Variants in XPR1 observed in about 807,000 individuals in gnomAD.
XPR1 encodes the protein solute carrier family 53 member 1.
In XPR1, 28 loss-of-function variants were observed where a neutral mutation model predicts 87.5. The ratio of observed to expected loss-of-function variants is 0.32; its 90% CI spans 0.24 to 0.44. The LOEUF (loss-of-function observed/expected upper bound fraction) is 0.44. Ranked by LOEUF, XPR1 falls within the 20% of genes least tolerant of loss-of-function variation. XPR1 has a pLI of 1.00. For missense variants in XPR1, 559 were observed against 862.3 expected (o/e 0.65, Z 4.41); for synonymous variants, 300 against 306.1 (o/e 0.98, Z 0.21).
chr1:180,864,214 C>T (rs1439109392), intron 12 of XPR1, among the ~76,000 whole-genome samples: 2 of 152,132 alleles, frequency 1.3e-5, no homozygotes, highest in Admixed American at 6.5e-5. Flanking sequence ...ATGGAATGCC[C>T]TCAGTCTGAA....
rs1347418903 is a variant in XPR1, at chr1:180,886,943, G to A, written c.*2877G>A. On this transcript the variant is annotated 3_prime_UTR_variant, in exon 15 of 15. Transcript: ENST00000367590. Reference sequence around the variant, plus strand: ...AATCCCAGCACTTTGGGAGGCCAAGGTGGGCAGATCACGAGCTCAGGAGTT... The same window carrying A: ...AATCCCAGCACTTTGGGAGGCCAAGATGGGCAGATCACGAGCTCAGGAGTT... 1 of 152,340 alleles carries A rather than the reference G, an allele frequency of 6.6e-6. No individual in the cohort carries two copies. The highest frequency in any genetic ancestry group is 1.5e-5 in the Non-Finnish European group (1 of 68,136). The allele number at this position is 152,340 out of a possible 1,614,324, so 9.4% of individuals were successfully genotyped here.
At chr1:180,668,073 A>G (rs545278101) in intron 1 of XPR1, among the ~76,000 whole-genome samples, 2 of 127,862 alleles carry the variant, frequency 1.6e-5, no homozygotes, top group African/African-American at 3.0e-5. Context: ...TTGTTTTTCT[A>G]TTCTCTATTT....
At chr1:180,856,568 A>T (rs1652041083) in intron 11 of XPR1, among the ~76,000 whole-genome samples, 1 of 151,928 alleles carries the variant, frequency 6.6e-6, no homozygotes, top group South Asian at 2.1e-4. Context: ...AAATAAACTC[A>T]TTTTTTTTCC....
At chr1:180,780,782 A>AC (rs1288533870) in intron 2 of XPR1, among the ~76,000 whole-genome samples, 1 of 151,432 alleles carries the variant, frequency 6.6e-6, no homozygotes, top group Non-Finnish European at 1.5e-5. Flanking sequence ...AAAAAAAAAA[A>AC]GAGATGCAAG....
At chr1:180,847,034 A>G (rs1247313413) in intron 11 of XPR1, among the ~76,000 whole-genome samples, 3 of 152,164 alleles carry the variant, frequency 2.0e-5, no homozygotes, top group African/African-American at 7.2e-5. Flanking sequence ...TTTCTTTTAA[A>G]GGTAGAATTG....
intron 3 of XPR1, among the ~76,000 whole-genome samples, chr1:180,795,651 G>A (rs889383681): frequency 6.6e-6 from 1 of 152,126 alleles, no homozygotes; most frequent in Non-Finnish European, 1.5e-5. Context: ...GAAGCATCAT[G>A]AAAGTATTAC....
intron 2 of XPR1, among the ~76,000 whole-genome samples, chr1:180,727,168 G>A (rs753384947): frequency 1.3e-4 from 20 of 151,974 alleles, no homozygotes; most frequent in Non-Finnish European, 2.5e-4. Flanking sequence ...TGGCTTGGCC[G>A]TATGCTTTAA....
rs1290696824 is a variant in XPR1 at position 180,885,437 on chromosome 1, T to C, written c.*1371T>C. 5 of 152,308 alleles carry C rather than the reference T, an allele frequency of 3.3e-5. No individual in the cohort carries two copies. The highest frequency in any genetic ancestry group is 1.9e-4 in the East Asian group (1 of 5,204). The allele number at this position is 152,308 out of a possible 1,614,324, so 9.4% of individuals were successfully genotyped here. On this transcript the variant is annotated 3_prime_UTR_variant, in exon 15 of 15. Coordinates refer to ENST00000367590, the MANE Select transcript of XPR1 (RefSeq NM_004736.4). Reference sequence around the variant, plus strand: ...ACTGCTTAGAAATTATAGACTATTATGATCTGTCCACAGTGCCCATTGTCA... The same window carrying C: ...ACTGCTTAGAAATTATAGACTATTACGATCTGTCCACAGTGCCCATTGTCA...
intron 2 of XPR1, among the ~76,000 whole-genome samples, chr1:180,750,794 A>G (rs569506263): frequency 2.0e-5 from 3 of 152,162 alleles, no homozygotes; most frequent in Admixed American, 6.5e-5. Flanking sequence ...TGGGATTTTG[A>G]TTGTAATTGC....
chr1:180,830,525 G>C (rs953959893), intron 9 of XPR1, among the ~76,000 whole-genome samples: 17 of 152,084 alleles, frequency 1.1e-4, no homozygotes, highest in African/African-American at 4.1e-4. Context: ...AGAAACAGAA[G>C]ACAGATCCAG....
At chr1:180,821,927 G>T (rs539225402) in intron 7 of XPR1, among the ~76,000 whole-genome samples, 1 of 152,130 alleles carries the variant, frequency 6.6e-6, no homozygotes, top group Non-Finnish European at 1.5e-5. Flanking sequence ...TAGTTTTATT[G>T]TGGATTCTTT....
intron 1 of XPR1, among the ~76,000 whole-genome samples, chr1:180,669,555 T>A (rs1173282256): frequency 6.6e-6 from 1 of 152,018 alleles, no homozygotes; most frequent in African/African-American, 2.4e-5. Context: ...TAGAGACGGG[T>A]TTCACCATGT....
Position 180,806,561 on chromosome 1 carries a change from A to G in XPR1, c.681+4A>G, listed in dbSNP as rs771808586. On this transcript the variant is annotated splice_donor_region_variant and intron_variant, in intron 6 of 14. Coordinates refer to ENST00000367590, the MANE Select transcript of XPR1 (RefSeq NM_004736.4). The stretch of plus-strand genomic sequence containing the variant: ...CCCCCCTTTGGGAGCTGCTCAGGTT[A>G]GTATTTGGTTCCAGTAGTTTGTTTG... The G allele has an allele frequency of 2.5e-6, 4 of 1,608,346 alleles. No individual in the cohort carries two copies. Among genetic ancestry groups the G allele is most frequent in the Non-Finnish European group, 3.4e-6 (4 of 1,176,170 alleles).
At chr1:180,826,274 G>A (rs1270745368) in intron 9 of XPR1, among the ~76,000 whole-genome samples, 1 of 152,052 alleles carries the variant, frequency 6.6e-6, no homozygotes, top group African/African-American at 2.4e-5. Context: ...TTTGAGGCCA[G>A]GTACAGTCGC....
At chr1:180,688,136 C>T (rs1196303385) in intron 2 of XPR1, among the ~76,000 whole-genome samples, 4 of 150,118 alleles carry the variant, frequency 2.7e-5, no homozygotes, top group South Asian at 2.1e-4. Context: ...CTGCAACTTC[C>T]GCCTCCTGGG....
At chr1:180,683,792 T>C (rs1013449644) in intron 2 of XPR1, among the ~76,000 whole-genome samples, 31 of 151,200 alleles carry the variant, frequency 2.1e-4, no homozygotes, top group African/African-American at 5.9e-4. Context: ...TCATATCCTT[T>C]GCCCACTTTT....
At chr1:180,742,797 T>G (rs1658963527) in intron 2 of XPR1, among the ~76,000 whole-genome samples, 1 of 152,106 alleles carries the variant, frequency 6.6e-6, no homozygotes, top group African/African-American at 2.4e-5. Context: ...AGTGTTTGAT[T>G]CATATATCTT....
intron 1 of XPR1, among the ~76,000 whole-genome samples, chr1:180,657,722 G>A (rs55846815): frequency 0.024 from 3,665 of 152,206 alleles, 153 homozygotes; most frequent in African/African-American, 0.082. Context: ...GTCAGGTGAT[G>A]TGATTCCTCC....
At chr1:180,879,831 G>T (rs1465623005) in intron 13 of XPR1, among the ~76,000 whole-genome samples, 2 of 152,132 alleles carry the variant, frequency 1.3e-5, no homozygotes, top group Non-Finnish European at 2.9e-5. Context: ...TGTCAAATAA[G>T]TTGAAAGAAT....
Sources: gnomAD v4.1 joint callset for allele counts (sites outside exome capture counted in the v4.1 genomes callset) on GRCh38, gnomAD v4.1.1 for gene constraint, MANE v1.5 for transcripts, NCBI Gene and HGNC (gene_info 2026-07-23, HGNC 2026-07-21) for gene names.